SOX6: variants seen among roughly 807,000 people sequenced by gnomAD.
The protein encoded by SOX6 is SRY-box transcription factor 6.
In SOX6, 11 loss-of-function variants were observed where a neutral mutation model predicts 97.8. That is an observed-to-expected ratio of 0.11 (90% CI 0.07 to 0.19). The LOEUF is 0.19. SOX6 is among the 10% of genes least tolerant of loss of function. SOX6 has a pLI of 1.00. For synonymous variants in SOX6, 360 were observed against 371.4 expected, an observed-to-expected ratio of 0.97 and a Z score of 0.35; for missense variants, 810 against 1,039.5, an observed-to-expected ratio of 0.78 and a Z score of 3.04.
intron 14 of SOX6, among the ~76,000 whole-genome samples, chr11:15,987,246 C>A (rs977922328): frequency 6.6e-5 from 10 of 152,190 alleles, no homozygotes; most frequent in Admixed American, 4.6e-4. Flanking sequence ...AGCGATTCTT[C>A]AGTGGAGATT....
rs189754313 is a variant in SOX6, at chr11:16,352,832, A to G, written c.-5+3262T>C. On this transcript the variant is annotated intron_variant, in intron 1 of 15. Transcript: ENST00000683767. ...AATTACTAGTTAACAACTTTAAAAA[A>G]GAGAGAGAAACATAGAGCAGGTAAT... is the stretch of plus-strand genomic sequence containing the variant. Among the ~76,000 whole-genome samples, 586 of 152,172 alleles carry G rather than the reference A, an allele frequency of 3.9e-3. 14 individuals are homozygous for G. The highest frequency in any genetic ancestry group is 0.032 in the Admixed American group (485 of 15,234).
intron 6 of SOX6, among the ~76,000 whole-genome samples, chr11:16,143,996 G>A (rs1476589807): frequency 1.3e-5 from 2 of 152,120 alleles, no homozygotes; most frequent in African/African-American, 2.4e-5. Context: ...TCTGCACCAG[G>A]CGGACCTAAT....
chr11:16,093,250 C>T (rs1158886732), intron 9 of SOX6, among the ~76,000 whole-genome samples: 3 of 151,922 alleles, frequency 2.0e-5, no homozygotes, highest in African/African-American at 7.2e-5. Flanking sequence ...CCTGCATCTG[C>T]TGAACTGTTC....
At chr11:16,015,898 T>C (rs1382844206) in intron 12 of SOX6, among the ~76,000 whole-genome samples, 1 of 152,106 alleles carries the variant, frequency 6.6e-6, no homozygotes, top group Non-Finnish European at 1.5e-5. Context: ...GAATGAAACC[T>C]TGTTGTTCAT....
chr11:16,514,136 A>G (rs1860924192), intron 4 of SOX6, among the ~76,000 whole-genome samples: 1 of 151,056 alleles, frequency 6.6e-6, no homozygotes, highest in Admixed American at 6.6e-5. Context: ...GAATCGCTTC[A>G]GCCCAGATGG....
chr11:16,196,262 C>T (rs536929535), intron 4 of SOX6, among the ~76,000 whole-genome samples: 1 of 152,252 alleles, frequency 6.6e-6, no homozygotes, highest in East Asian at 1.9e-4. Flanking sequence ...ACGCAGCTTG[C>T]CCAAATCCTT....
Position 16,685,311 on chromosome 11 carries a change from C to T in SOX6, n.429+29519G>A, listed in dbSNP as rs565455888. Among the ~76,000 whole-genome samples the T allele has an allele frequency of 5.3e-5, 8 of 152,286 alleles. No homozygotes were observed. In the South Asian group the frequency reaches 1.7e-3, roughly 32 times the overall value. The stretch of plus-strand genomic sequence containing the variant: ...AAGTTCCCAGTCCCAAGTCCAAATC[C>T]AAAGTCTCATCTAAGACAAAGCAAG... On this transcript the variant is annotated intron_variant and non_coding_transcript_variant, in intron 3 of 5. Transcript: ENST00000524520.
intron 1 of SOX6, among the ~76,000 whole-genome samples, chr11:16,454,851 A>G (rs4757402): frequency 0.2 from 30,810 of 152,076 alleles, 3,370 homozygotes; most frequent in Admixed American, 0.32. Flanking sequence ...GCTATTTAAA[A>G]CATACTTCTA....
intron 3 of SOX6, among the ~76,000 whole-genome samples, chr11:16,709,940 A>G (rs1243873005): frequency 2.0e-5 from 3 of 152,220 alleles, no homozygotes; most frequent in Non-Finnish European, 4.4e-5. Flanking sequence ...CGTTCAGCAA[A>G]TACAATAAAA....
chr11:16,733,232 C>T (rs771466670), intron 2 of SOX6, among the ~76,000 whole-genome samples: 28 of 152,294 alleles, frequency 1.8e-4, no homozygotes, highest in Admixed American at 3.3e-4. Flanking sequence ...ACTGGGTATA[C>T]ACCCAAAGGA....
At chr11:16,028,725 C>G (rs751101176) in intron 12 of SOX6, among the ~76,000 whole-genome samples, 6 of 152,090 alleles carry the variant, frequency 3.9e-5, no homozygotes, top group Non-Finnish European at 8.8e-5. Context: ...ATGTGCTCTC[C>G]ACATATCGGC....
intron 3 of SOX6, among the ~76,000 whole-genome samples, chr11:16,259,945 A>ATGTGTGTGTGTG (rs5789946): frequency 2.0e-5 from 3 of 149,038 alleles, no homozygotes; most frequent in Non-Finnish European, 4.5e-5. Flanking sequence ...TGTCCCAAAT[A>ATGTGTGTGTGTG]TGTGTGTGTG....
chr11:16,328,756 G>A (rs565056959), intron 2 of SOX6, among the ~76,000 whole-genome samples: 29 of 152,094 alleles, frequency 1.9e-4, no homozygotes, highest in Non-Finnish European at 3.2e-4. Context: ...AAAAGATTTC[G>A]GTTCCAATAA....
chr11:16,588,477 C>G (rs1161810474), intron 4 of SOX6, among the ~76,000 whole-genome samples: 1 of 152,174 alleles, frequency 6.6e-6, no homozygotes, highest in Non-Finnish European at 1.5e-5. Context: ...ACAGCCATCC[C>G]TAAGTGCTGC....
intron 3 of SOX6, among the ~76,000 whole-genome samples, chr11:16,280,746 A>C (rs1275291555): frequency 1.3e-5 from 2 of 152,126 alleles, no homozygotes; most frequent in African/African-American, 2.4e-5. Context: ...GTACGGTTGA[A>C]TTACTTATGT....
At chr11:16,579,596 T>A (rs1473652899) in intron 4 of SOX6, among the ~76,000 whole-genome samples, 1 of 152,152 alleles carries the variant, frequency 6.6e-6, no homozygotes, top group African/African-American at 2.4e-5. Context: ...ATGCTCCATA[T>A]AATGTCTGTG....
At chr11:16,572,771 A>G (rs1847950276) in intron 4 of SOX6, among the ~76,000 whole-genome samples, 1 of 152,182 alleles carries the variant, frequency 6.6e-6, no homozygotes, top group African/African-American at 2.4e-5. Flanking sequence ...TTATTTCACA[A>G]AAGGCTATTT....
chr11:16,583,612 T>TACATATATATATATATACACACAC (rs1565186371), intron 4 of SOX6, among the ~76,000 whole-genome samples: 1 of 43,948 alleles, frequency 2.3e-5, no homozygotes, highest in African/African-American at 9.9e-5. Flanking sequence ...TGTATATATA[T>TACATATATATATATATACACACAC]ACATATATAT....
At chr11:16,374,225 C>T (rs540120732) in intron 1 of SOX6, among the ~76,000 whole-genome samples, 7 of 152,066 alleles carry the variant, frequency 4.6e-5, no homozygotes, top group African/African-American at 1.4e-4. Context: ...ACACTAAAAC[C>T]CCATGGAAGT....
Sources: allele counts gnomAD v4.1 joint callset (sites outside exome capture counted in the v4.1 genomes callset), GRCh38; gene constraint gnomAD v4.1.1; transcripts MANE v1.5; gene names NCBI Gene and HGNC (gene_info 2026-07-23, HGNC 2026-07-21).